Variants in ZNF208 observed in about 807,000 individuals in gnomAD.
The protein encoded by ZNF208 is zinc finger protein 208.
A neutral mutation model predicts 12.1 loss-of-function variants in ZNF208; 10 were observed. That is an observed-to-expected ratio of 0.83 (90% CI 0.51 to 1.40). The LOEUF is 1.40. ZNF208 is among the 40% of genes most tolerant of loss of function. The pLI is 0.00. For missense variants in ZNF208, 1,652 were observed against 1,485.0 expected (o/e 1.11, Z -1.85); for synonymous variants, 497 against 488.4 (o/e 1.02, Z -0.23).
downstream of ZNF208, chr19:21,965,583 C>G (rs150122092): frequency 2.6e-5 from 4 of 151,904 alleles, no homozygotes; most frequent in Admixed American, 2.6e-4. Flanking sequence ...CTAAAAATAC[C>G]TTCTGACCCA....
At position 21,970,524 on chromosome 19, in the gene ZNF208, G is replaced by T. The variant is rs1198618435; in HGVS notation, c.*667C>A. On this transcript the variant is annotated 3_prime_UTR_variant, in exon 4 of 4. Coordinates refer to ENST00000397126, the MANE Select transcript of ZNF208 (RefSeq NM_007153.3). ...TTTGCCACATTTTTCATATTTGTAGGGTTTTTCCTCCAGTATGAATTCTTT... is the reference window on the plus strand; with the variant it reads ...TTTGCCACATTTTTCATATTTGTAGTGTTTTTCCTCCAGTATGAATTCTTT... Among the ~76,000 whole-genome samples the T allele has an allele frequency of 6.6e-6, 1 of 152,074 alleles. No individual in the cohort carries two copies. The highest frequency in any genetic ancestry group is 1.5e-5 in the Non-Finnish European group (1 of 68,004).
chr19:21,962,478 G>C (rs1313904937), downstream of ZNF208, among the ~76,000 whole-genome samples: 7 of 151,888 alleles, frequency 4.6e-5, no homozygotes, highest in Non-Finnish European at 8.8e-5. Flanking sequence ...TATATATTCT[G>C]CTCAAATCAC....
chr19:22,007,321 C>T (rs934194100), intron 1 of ZNF208, among the ~76,000 whole-genome samples: 3 of 151,314 alleles, frequency 2.0e-5, no homozygotes, highest in Non-Finnish European at 4.4e-5. Flanking sequence ...AGATTGAGAC[C>T]ATCCTGGCTA....
chr19:21,985,717 G>A (rs1970620066), intron 3 of ZNF208, among the ~76,000 whole-genome samples: 2 of 152,176 alleles, frequency 1.3e-5, no homozygotes, highest in African/African-American at 4.8e-5. Flanking sequence ...GCAGACCTTG[G>A]TCCTTACTGT....
At chr19:21,964,915 TAAC>T (rs1456784318), downstream of ZNF208, among the ~76,000 whole-genome samples, 10 of 152,094 alleles carry the variant, frequency 6.6e-5, no homozygotes, top group South Asian at 1.2e-3. Flanking sequence ...AAAATCATTC[TAAC>T]AACATTTCTT....
chr19:21,952,514 G>T (rs754317369), intron 4 of ZNF208, among the ~76,000 whole-genome samples: 3 of 152,222 alleles, frequency 2.0e-5, no homozygotes, highest in Non-Finnish European at 2.9e-5. Flanking sequence ...GCCTCTGCTG[G>T]TGATACCCAG....
chr19:21,973,082 G>C lies in ZNF208; in HGVS notation c.1952C>G (p.Thr651Ser), dbSNP rs148696573. Residue 651 changes from threonine to serine, a missense_variant, in exon 4 of 4, where the codon ACC (threonine) becomes AGC (serine). Coordinates refer to ENST00000397126, the MANE Select transcript of ZNF208 (RefSeq NM_007153.3). ...ECGKTFIKVSTLTTHKAIHAG... is the reference protein window; with the variant it reads ...ECGKTFIKVSSLTTHKAIHAG... Reference sequence around the variant, plus strand: ...ATGAATTGCCTTATGTGTAGTAAGGGTTGAGACCTTAATAAAGGTTTTGCC... The same window carrying C: ...ATGAATTGCCTTATGTGTAGTAAGGCTTGAGACCTTAATAAAGGTTTTGCC... 2 of 1,594,082 alleles carry C rather than the reference G, an allele frequency of 1.3e-6. No individual in the cohort carries two copies. The highest frequency in any genetic ancestry group is 1.7e-6 in the Non-Finnish European group (2 of 1,171,130).
At chr19:21,953,579 A>G (rs1255681596) in intron 4 of ZNF208, among the ~76,000 whole-genome samples, 2 of 152,202 alleles carry the variant, frequency 1.3e-5, no homozygotes, top group Non-Finnish European at 2.9e-5. Context: ...AACTGAAGGA[A>G]AAATAAAATC....
At chr19:21,978,299 C>G (rs1466262333) in intron 3 of ZNF208, among the ~76,000 whole-genome samples, 3 of 152,194 alleles carry the variant, frequency 2.0e-5, no homozygotes, top group Non-Finnish European at 4.4e-5. Context: ...CCAGTAGAAG[C>G]TGATAGACAC....
At chr19:22,008,115 C>A (rs1244100518) in intron 1 of ZNF208, among the ~76,000 whole-genome samples, 1 of 149,476 alleles carries the variant, frequency 6.7e-6, no homozygotes, top group African/African-American at 2.5e-5. Context: ...ACAGCCTGGT[C>A]AATATGGTGA....
chr19:22,010,327 G>A (rs190977687), intron 1 of ZNF208, among the ~76,000 whole-genome samples: 13 of 152,292 alleles, frequency 8.5e-5, no homozygotes, highest in African/African-American at 2.9e-4. Flanking sequence ...ACAACCCATA[G>A]CTGGGTGCTC....
chr19:22,006,636 G>C (rs981590108), intron 1 of ZNF208, among the ~76,000 whole-genome samples: 3 of 152,162 alleles, frequency 2.0e-5, no homozygotes, highest in African/African-American at 7.2e-5. Flanking sequence ...TGCAGGAAAG[G>C]CTTTCCAGAA....
chr19:21,996,101 C>G (rs1401730086), intron 1 of ZNF208, among the ~76,000 whole-genome samples: 1 of 152,142 alleles, frequency 6.6e-6, no homozygotes, highest in Admixed American at 6.5e-5. Flanking sequence ...CTAGAGGCTG[C>G]TCTAGGATAT....
At chr19:21,943,512 A>G (rs540458914) in intron 4 of ZNF208, among the ~76,000 whole-genome samples, 8 of 152,236 alleles carry the variant, frequency 5.3e-5, no homozygotes, top group Non-Finnish European at 1.2e-4. Flanking sequence ...TCTTAAAAAT[A>G]CTGCTTTGTA....
Position 21,988,855 on chromosome 19 carries a change from A to G in ZNF208, c.58T>C (p.Cys20Arg), listed in dbSNP as rs777490047. Residue 20 changes from cysteine (C) to arginine (R), a missense_variant, in exon 2 of 4, where the codon TGC becomes CGC. Around this residue, in one of 3 missense-constraint regions of ZNF208, gnomAD observed 410 missense variants for 378.2 expected, o/e 1.08. Transcript: ENST00000397126. ...AAATTCTGCTGTGCAGTGTCCAGGCATTGCCACTCCTCCAGAGAGAATTCT... is the reference window on the plus strand; with the variant it reads ...AAATTCTGCTGTGCAGTGTCCAGGCGTTGCCACTCCTCCAGAGAGAATTCT... ...AIEFSLEEWQ[C>R]LDTAQQNLYR... 4 of 1,614,154 alleles carry G rather than the reference A, an allele frequency of 2.5e-6. No individual in the cohort carries two copies. Among genetic ancestry groups the G allele is most frequent in the Non-Finnish European group, 3.4e-6 (4 of 1,179,990 alleles).
intron 4 of ZNF208, among the ~76,000 whole-genome samples, chr19:21,953,185 T>G (rs921058469): frequency 6.6e-6 from 1 of 152,056 alleles, no homozygotes; most frequent in African/African-American, 2.4e-5. Context: ...AAATCTACAT[T>G]TGATACGTGT....
At chr19:21,986,936 C>T (rs1970637264) in intron 3 of ZNF208, 2 of 416,844 alleles carry the variant, frequency 4.8e-6, no homozygotes, top group Non-Finnish European at 8.4e-6. Context: ...AACAAACAAA[C>T]AAAAAGATTG....
intron 3 of ZNF208, among the ~76,000 whole-genome samples, chr19:21,975,406 GA>G (rs1345843214): frequency 6.6e-6 from 1 of 152,074 alleles, no homozygotes; most frequent in Non-Finnish European, 1.5e-5. Flanking sequence ...CTTTTCAGAA[GA>G]AAGATAAATA....
chr19:21,963,248 C>A (rs1259089041), downstream of ZNF208, among the ~76,000 whole-genome samples: 1 of 151,946 alleles, frequency 6.6e-6, no homozygotes, highest in African/African-American at 2.4e-5. Flanking sequence ...AATTCTTAAC[C>A]AAGAGGAATT....
Sources: allele counts gnomAD v4.1 joint callset (sites outside exome capture counted in the v4.1 genomes callset), GRCh38; gene constraint gnomAD v4.1.1; regional missense constraint gnomAD v4.1.1; transcripts MANE v1.5; gene names NCBI Gene and HGNC (gene_info 2026-07-23, HGNC 2026-07-21).